Variants in EP300 observed in about 807,000 individuals in gnomAD.
EP300 encodes the protein EP300 lysine acetyltransferase.
In EP300, 31 loss-of-function variants were observed where a neutral mutation model predicts 264.0. The ratio of observed to expected loss-of-function variants is 0.12; its 90% CI spans 0.09 to 0.16. EP300 has a LOEUF of 0.16. EP300 is among the 10% of genes least tolerant of loss of function. The pLI is 1.00. For missense variants in EP300, 2,766 were observed against 3,052.9 expected, an observed-to-expected ratio of 0.91 and a Z score of 2.21; for synonymous variants, 1,340 against 1,045.4, an observed-to-expected ratio of 1.28 and a Z score of -5.44.
chr22:41,100,501 G>A (rs578028031), intron 1 of EP300, among the ~76,000 whole-genome samples: 3 of 152,226 alleles, frequency 2.0e-5, no homozygotes, highest in South Asian at 2.1e-4. Context: ...TTAGCCTTCC[G>A]TATCTGAGGG....
intron 1 of EP300, among the ~76,000 whole-genome samples, chr22:41,110,231 A>G (rs1329689850): frequency 7.2e-6 from 1 of 138,362 alleles, no homozygotes; most frequent in Non-Finnish European, 1.5e-5. Flanking sequence ...GGGCTCAAGC[A>G]GGCCCTTTGA....
At chr22:41,096,004 G>C (rs896761880) in intron 1 of EP300, among the ~76,000 whole-genome samples, 5 of 152,124 alleles carry the variant, frequency 3.3e-5, no homozygotes, top group Admixed American at 2.0e-4. Context: ...CAACTTTTAC[G>C]TGTTGGGATG....
At chr22:41,105,571 G>A (rs1016612971) in intron 1 of EP300, among the ~76,000 whole-genome samples, 1 of 151,754 alleles carries the variant, frequency 6.6e-6, no homozygotes, top group Non-Finnish European at 1.5e-5. Flanking sequence ...GCTAATTTTT[G>A]TATTTTTAGT....
chr22:41,174,264 C>T (rs983038422), intron 29 of EP300, among the ~76,000 whole-genome samples: 3 of 152,096 alleles, frequency 2.0e-5, no homozygotes, highest in Admixed American at 6.5e-5. Context: ...ACCGAAACCC[C>T]GTCTCTACTA....
intron 7 of EP300, among the ~76,000 whole-genome samples, chr22:41,136,986 G>T (rs530715998): frequency 1.3e-5 from 2 of 151,992 alleles, no homozygotes; most frequent in African/African-American, 4.8e-5. Context: ...CTTGAACCCC[G>T]GAGGCAGAGG....
At chr22:41,141,358 T>C (rs2145726820) in intron 10 of EP300, 136 bp downstream of exon 10, 2 of 906,410 alleles carry the variant, frequency 2.2e-6, no homozygotes, top group Admixed American at 5.1e-5. Context: ...GCAAAGAAAA[T>C]AACTCATCTA....
In EP300 at chr22:41,178,374, ACAGCAG is replaced by A. The variant is rs761639659; in HGVS notation, c.6671_6676del (p.Gln2224_Gln2225del). ...AACCCCAAGGAGTTGGCTACCCACC[ACAGCAG>A]CAGCAGCGGATGCAGCATCACATGC... On this transcript the variant is annotated inframe_deletion, in exon 31 of 31. Transcript: ENST00000263253. The A allele has an allele frequency of 2.5e-6, 4 of 1,614,010 alleles. No homozygotes were observed. Among genetic ancestry groups the A allele is most frequent in the Admixed American group, 3.3e-5 (2 of 59,998 alleles).
At chr22:41,140,341 A>G (rs1416047171) in intron 9 of EP300, 84 bp downstream of exon 9, 4 of 940,144 alleles carry the variant, frequency 4.3e-6, no homozygotes, top group Admixed American at 1.7e-5. Context: ...TACAAGTAGT[A>G]CATATGCTTC....
rs577523911 is a variant in EP300, at chr22:41,178,945, G to A, written c.7234G>A (p.Asp2412Asn). 1 of 1,613,246 alleles carries A rather than the reference G, an allele frequency of 6.2e-7. No homozygotes were observed. Among genetic ancestry groups the A allele is most frequent in the African/African-American group, 1.3e-5 (1 of 74,970 alleles). Reference sequence around the variant, plus strand: ...TTCAAACCTCTCACAGAGTACACTAGACATACACTAGAGACACCTTGTAGT... The same window carrying A: ...TTCAAACCTCTCACAGAGTACACTAAACATACACTAGAGACACCTTGTAGT... ...LNSNLSQSTL[D>N]IH Residue 2412 changes from aspartate to asparagine, a missense_variant, in exon 31 of 31, where the codon GAC becomes AAC. Transcript: ENST00000263253.
chr22:41,167,813 T>TG (rs1228980555), intron 23 of EP300, among the ~76,000 whole-genome samples: 1,548 of 58,596 alleles, frequency 0.026, 67 homozygotes, highest in African/African-American at 0.068. Flanking sequence ...TGTTTGTTTT[T>TG]GTTTTTTTTT....
chr22:41,131,131 TGGTC>T (rs1224971178), intron 5 of EP300, among the ~76,000 whole-genome samples: 1 of 152,164 alleles, frequency 6.6e-6, no homozygotes, highest in African/African-American at 2.4e-5. Context: ...CATACAGTGT[TGGTC>T]GGAACATTAA....
intron 23 of EP300, chr22:41,168,125 G>A: frequency 5.4e-6 from 2 of 367,894 alleles, no homozygotes; most frequent in Non-Finnish European, 1.0e-5. Flanking sequence ...CCCGGCCCCT[G>A]TTCTGTATTT....
intron 10 of EP300, among the ~76,000 whole-genome samples, chr22:41,145,795 C>T (rs2059007366): frequency 6.6e-6 from 1 of 151,940 alleles, no homozygotes; most frequent in African/African-American, 2.4e-5. Flanking sequence ...TGCCACCACG[C>T]CCGGCTATTT....
chr22:41,095,112 C>T lies in EP300; in HGVS notation c.94+2014C>T, dbSNP rs78693562. 1.1e-3 allele frequency among the ~76,000 whole-genome samples: 168 copies of T among 152,122 alleles called. 3 individuals are homozygous for T. In the East Asian group the frequency reaches 0.03, roughly 28 times the overall value. On this transcript the variant is annotated intron_variant, in intron 1 of 30. Coordinates refer to ENST00000263253, the MANE Select transcript of EP300 (RefSeq NM_001429.4). Reference sequence around the variant, plus strand: ...CCCTCCCCAAATCAAGATTCTACTCCAGGAATTCTTTGGTGTACGGTTTTT... The same window carrying T: ...CCCTCCCCAAATCAAGATTCTACTCTAGGAATTCTTTGGTGTACGGTTTTT...
intron 18 of EP300, 104 bp from the exon 19 acceptor site, chr22:41,158,308 T>G: frequency 4.0e-5 from 33 of 826,656 alleles, no homozygotes; most frequent in Non-Finnish European, 6.4e-5. Flanking sequence ...TTAACATAAA[T>G]GAGAACTAAG....
chr22:41,179,544 A>C lies in EP300; in HGVS notation c.*588A>C, dbSNP rs1315947151. The stretch of plus-strand genomic sequence containing the variant: ...TTTTAAAAAATGTTTAAAAAAAAAA[A>C]AAAACTGCCTTTCTTCCCCTCAAGT... On this transcript the variant is annotated 3_prime_UTR_variant, in exon 31 of 31. Coordinates refer to ENST00000263253, the MANE Select transcript of EP300 (RefSeq NM_001429.4). 1 of 192,592 alleles carries C rather than the reference A, an allele frequency of 5.2e-6. No individual in the cohort carries two copies. Among genetic ancestry groups the C allele is most frequent in the East Asian group, 8.1e-5 (1 of 12,308 alleles). 11.9% of individuals were successfully genotyped at this position (192,592 alleles called of 1,614,324 possible).
chr22:41,106,404 A>G (rs918382192), intron 1 of EP300, among the ~76,000 whole-genome samples: 2 of 152,108 alleles, frequency 1.3e-5, no homozygotes, highest in Non-Finnish European at 2.9e-5. Flanking sequence ...CCAAATCTCT[A>G]ACCTGGCCTT....
intron 1 of EP300, among the ~76,000 whole-genome samples, chr22:41,110,632 T>TAG (rs2058784677): frequency 6.6e-6 from 1 of 152,038 alleles, no homozygotes; most frequent in Non-Finnish European, 1.5e-5. Context: ...AATATTTTTG[T>TAG]AGAGAGGTGG....
intron 27 of EP300, among the ~76,000 whole-genome samples, chr22:41,171,801 C>T (rs1022283904): frequency 2.0e-5 from 3 of 151,820 alleles, no homozygotes; most frequent in Non-Finnish European, 2.9e-5. Flanking sequence ...TTAGTAGAGA[C>T]GGGGTTTCTC....
Sources: allele counts gnomAD v4.1 joint callset (sites outside exome capture counted in the v4.1 genomes callset), GRCh38; gene constraint gnomAD v4.1.1; transcripts MANE v1.5; gene names NCBI Gene and HGNC (gene_info 2026-07-23, HGNC 2026-07-21).